The following PTK2 variants were observed in gnomAD, a reference collection of about 807,000 sequenced individuals.
PTK2 encodes the protein protein tyrosine kinase 2.
PTK2 carries 45 observed loss-of-function variants against 150.1 expected under a neutral mutation model. The ratio of observed to expected loss-of-function variants is 0.30; its 90% CI spans 0.24 to 0.38. The LOEUF is 0.38. Ranked by LOEUF, PTK2 falls within the 10% of genes least tolerant of loss-of-function variation. The pLI, the probability that PTK2 is intolerant of heterozygous loss-of-function variation, is 1.00. For missense variants in PTK2, 919 were observed against 1,307.3 expected, an observed-to-expected ratio of 0.70 and a Z score of 4.58; for synonymous variants, 432 against 449.2, an observed-to-expected ratio of 0.96 and a Z score of 0.48.
chr8:140,805,627 T>C (rs1404039386), intron 10 of PTK2, among the ~76,000 whole-genome samples: 5 of 150,974 alleles, frequency 3.3e-5, no homozygotes, highest in African/African-American at 1.2e-4. Flanking sequence ...GCATTCTCAC[T>C]GATTCTTCTC....
chr8:140,691,202 G>T (rs1437834881), intron 26 of PTK2, among the ~76,000 whole-genome samples: 31 of 147,690 alleles, frequency 2.1e-4, no homozygotes, highest in Admixed American at 1.1e-3. Context: ...GTTGGGGGTG[G>T]GGGGTCTCAC....
chr8:140,882,648 T>A (rs2100149864), intron 3 of PTK2, among the ~76,000 whole-genome samples: 1 of 152,206 alleles, frequency 6.6e-6, no homozygotes, highest in Non-Finnish European at 1.5e-5. Flanking sequence ...CATGCCTGTA[T>A]CTTATCAGGA....
chr8:140,959,374 C>CA (rs1177295670), intron 1 of PTK2, among the ~76,000 whole-genome samples: 2,319 of 121,824 alleles, frequency 0.019, 26 homozygotes, highest in African/African-American at 0.037. Context: ...ACTAAAAATA[C>CA]AAAAAAAAAA....
At chr8:140,720,481 G>A (rs1392154679) in intron 22 of PTK2, among the ~76,000 whole-genome samples, 2 of 151,818 alleles carry the variant, frequency 1.3e-5, no homozygotes, top group Non-Finnish European at 2.9e-5. Context: ...GAGTCACACT[G>A]ACATCAGGTT....
At chr8:140,968,779 G>A (rs572942030) in intron 1 of PTK2, among the ~76,000 whole-genome samples, 265 of 152,238 alleles carry the variant, frequency 1.7e-3, no homozygotes, top group Non-Finnish European at 2.6e-3. Context: ...ATATGGTAAG[G>A]GCCATGTTGT....
chr8:140,793,170 TTTGA>T (rs773280819), intron 13 of PTK2, among the ~76,000 whole-genome samples, 180 bp downstream of exon 13: 8 of 152,228 alleles, frequency 5.3e-5, no homozygotes, highest in Non-Finnish European at 1.5e-5. Context: ...ATTAAAACCT[TTTGA>T]TTAAGCCTAA....
chr8:140,737,872 G>C (rs1003725125), intron 21 of PTK2, among the ~76,000 whole-genome samples: 4 of 152,152 alleles, frequency 2.6e-5, no homozygotes, highest in Non-Finnish European at 5.9e-5. Context: ...AAGGCCTTGG[G>C]ATTTGAACAC....
chr8:140,788,975 G>C (rs1481235582), intron 14 of PTK2, among the ~76,000 whole-genome samples: 2 of 151,960 alleles, frequency 1.3e-5, no homozygotes, highest in East Asian at 3.9e-4. Context: ...ACATACCAAG[G>C]AAAGTACAAC....
At chr8:140,835,473 T>C (rs530941460) in intron 7 of PTK2, among the ~76,000 whole-genome samples, 50 of 152,346 alleles carry the variant, frequency 3.3e-4, no homozygotes, top group Middle Eastern at 3.4e-3. Context: ...ATTGAGTATA[T>C]TTAATTTAGA....
chr8:140,959,508 C>T (rs2100182350), intron 1 of PTK2, among the ~76,000 whole-genome samples: 1 of 144,532 alleles, frequency 6.9e-6, no homozygotes, highest in Non-Finnish European at 1.5e-5. Flanking sequence ...CACTGCACTC[C>T]AGCCTGGGCG....
intron 1 of PTK2, among the ~76,000 whole-genome samples, chr8:140,929,613 T>C (rs2100170993): frequency 1.3e-5 from 2 of 152,158 alleles, no homozygotes; most frequent in Admixed American, 6.5e-5. Context: ...AATTAGACTG[T>C]AAAAGTAAAA....
At chr8:140,938,018 A>C (rs1024115147) in intron 1 of PTK2, among the ~76,000 whole-genome samples, 1 of 152,234 alleles carries the variant, frequency 6.6e-6, no homozygotes, top group African/African-American at 2.4e-5. Flanking sequence ...AACTTAGTTG[A>C]TCTCTACATT....
chr8:140,830,441 AT>A, intron 8 of PTK2, 30 bp downstream of exon 8: 2 of 1,429,594 alleles, frequency 1.4e-6, no homozygotes, highest in Non-Finnish European at 1.9e-6. Flanking sequence ...TAATTTTGTT[AT>A]TTTATTATGA....
chr8:140,939,296 A>C (rs2100174845), intron 1 of PTK2, among the ~76,000 whole-genome samples: 1 of 152,240 alleles, frequency 6.6e-6, no homozygotes, highest in African/African-American at 2.4e-5. Flanking sequence ...TTCATTCAAG[A>C]AATTGCAAAA....
At chr8:140,805,841 T>G (rs2100097878) in intron 10 of PTK2, among the ~76,000 whole-genome samples, 1 of 152,182 alleles carries the variant, frequency 6.6e-6, no homozygotes, top group Admixed American at 6.5e-5. Context: ...CCAGATCATA[T>G]CACTCCTCTG....
At chr8:140,723,449 T>A (rs1300318267) in intron 22 of PTK2, among the ~76,000 whole-genome samples, 2 of 152,176 alleles carry the variant, frequency 1.3e-5, no homozygotes, top group Non-Finnish European at 2.9e-5. Context: ...AAAATATCTG[T>A]TTTTACAATG....
intron 2 of PTK2, among the ~76,000 whole-genome samples, chr8:140,900,859 C>A (rs1025741290): frequency 6.6e-6 from 1 of 151,876 alleles, no homozygotes; most frequent in Non-Finnish European, 1.5e-5. Context: ...TCAATGGAAT[C>A]CCTATCAAAA....
intron 14 of PTK2, among the ~76,000 whole-genome samples, chr8:140,786,973 T>C (rs1400516264): frequency 6.6e-6 from 1 of 151,704 alleles, no homozygotes; most frequent in Non-Finnish European, 1.5e-5. Context: ...ACAATGTAGA[T>C]GAGGAGGTGA....
At chr8:141,000,887 A>C (rs985808246) in intron 1 of PTK2, 1 of 149,696 alleles carries the variant, frequency 6.7e-6, no homozygotes, top group Non-Finnish European at 1.5e-5. Flanking sequence ...GACCTCCTTA[A>C]GCCTCTCGGC....
Sources: gnomAD v4.1 joint callset for allele counts (sites outside exome capture counted in the v4.1 genomes callset) on GRCh38, gnomAD v4.1.1 for gene constraint, MANE v1.5 for transcripts, NCBI Gene and HGNC (gene_info 2026-07-23, HGNC 2026-07-21) for gene names.